The following CFAP61 variants were observed in gnomAD, a reference collection of about 807,000 sequenced individuals.
The protein encoded by CFAP61 is cilia and flagella associated protein 61, also known as cilia- and flagella-associated protein 61.
In CFAP61, 107 loss-of-function variants were observed where a neutral mutation model predicts 135.6. That is an observed-to-expected ratio of 0.79 (90% CI 0.67 to 0.93). The LOEUF (loss-of-function observed/expected upper bound fraction) is 0.93, where lower values mean the gene tolerates loss of function less well. Ranked by LOEUF, CFAP61 falls within the 40% of genes least tolerant of loss-of-function variation. The pLI, the probability that CFAP61 is intolerant of heterozygous loss-of-function variation, is 0.00. For missense variants in CFAP61, 1,507 were observed against 1,556.2 expected, an observed-to-expected ratio of 0.97 and a Z score of 0.53; for synonymous variants, 575 against 578.5, an observed-to-expected ratio of 0.99 and a Z score of 0.09.
chr20:20,172,699 C>T (rs560528828), intron 13 of CFAP61, among the ~76,000 whole-genome samples: 14 of 152,238 alleles, frequency 9.2e-5, no homozygotes, highest in Admixed American at 2.0e-4. Context: ...CAAGCCCCTT[C>T]TCCACCACCA....
chr20:20,339,394 C>T (rs2058353696), intron 25 of CFAP61, among the ~76,000 whole-genome samples: 1 of 152,124 alleles, frequency 6.6e-6, no homozygotes, highest in Admixed American at 6.5e-5. Context: ...CCTCTCCTTC[C>T]TATGGATACA....
intron 25 of CFAP61, among the ~76,000 whole-genome samples, chr20:20,338,258 A>T: frequency 6.6e-6 from 1 of 151,978 alleles, no homozygotes; most frequent in Middle Eastern, 3.4e-3. Context: ...GAAAAGACAC[A>T]TACAAGCAAG....
At chr20:20,135,049 C>T (rs1296650386) in intron 8 of CFAP61, among the ~76,000 whole-genome samples, 1 of 151,638 alleles carries the variant, frequency 6.6e-6, no homozygotes, top group African/African-American at 2.4e-5. Context: ...TCTAAGGTGC[C>T]CTAAATGCTA....
chr20:20,054,237 A>G (rs567034264), intron 1 of CFAP61, among the ~76,000 whole-genome samples: 1 of 151,392 alleles, frequency 6.6e-6, no homozygotes, highest in South Asian at 2.1e-4. Flanking sequence ...TCTTTATTTT[A>G]TCTTCATTTT....
In CFAP61 at chr20:20,241,289, CAA is replaced by C. The variant is rs1310119776; in HGVS notation, c.2061-4827_2061-4826del. On this transcript the variant is annotated intron_variant, in intron 18 of 26. Transcript: ENST00000245957. ...TGAGGAAGGGGGATAGTAAGGATAA[CAA>C]GAGGGGTTACAGTAGAGAACTTGAA... Among the ~76,000 whole-genome samples, 13 of 152,110 alleles carry C rather than the reference CAA, an allele frequency of 8.5e-5. No individual in the cohort carries two copies. In the South Asian group the frequency reaches 1.2e-3, roughly 15 times the overall value.
At chr20:20,088,193 G>A (rs1160996345) in intron 6 of CFAP61, among the ~76,000 whole-genome samples, 1 of 152,188 alleles carries the variant, frequency 6.6e-6, no homozygotes. Flanking sequence ...GATGACATCA[G>A]GGCCAGGTTG....
chr20:20,098,887 T>A, intron 8 of CFAP61, 73 bp downstream of exon 8: 2 of 1,336,258 alleles, frequency 1.5e-6, no homozygotes, highest in East Asian at 2.4e-5. Flanking sequence ...CTTCGCTAAG[T>A]GATGGAACTA....
intron 17 of CFAP61, among the ~76,000 whole-genome samples, chr20:20,211,375 A>G (rs2047626028): frequency 6.6e-6 from 1 of 152,228 alleles, no homozygotes; most frequent in Non-Finnish European, 1.5e-5. Context: ...GGGTTGAGCC[A>G]CTTTAAGTAT....
At chr20:20,286,959 A>G (rs1347158211) in intron 22 of CFAP61, among the ~76,000 whole-genome samples, 3 of 152,236 alleles carry the variant, frequency 2.0e-5, no homozygotes, top group Non-Finnish European at 4.4e-5. Flanking sequence ...GGAGACTTCT[A>G]AACATTTTCA....
At chr20:20,203,716 TGAGG>T (rs1044782867) in intron 17 of CFAP61, among the ~76,000 whole-genome samples, 8 of 152,194 alleles carry the variant, frequency 5.3e-5, no homozygotes, top group Non-Finnish European at 1.2e-4. Flanking sequence ...ACACTTATTT[TGAGG>T]GTGGGTCTAC....
rs144347773 is a variant in CFAP61, at chr20:20,225,124, AT to A, written c.1933-3124del. ...GAAAATATTCTGCTTTCATTAAAAA[AT>A]AACCTGTGCTTCCTGCTTCTGTGCA... is the stretch of plus-strand genomic sequence containing the variant. On this transcript the variant is annotated intron_variant, in intron 17 of 26. Transcript: ENST00000245957. 8.6e-3 allele frequency among the ~76,000 whole-genome samples: 1,308 copies of A among 152,346 alleles called. 20 individuals are homozygous for A. Among genetic ancestry groups the A allele is most frequent in the African/African-American group, 0.03 (1,253 of 41,572 alleles).
intron 26 of CFAP61, among the ~76,000 whole-genome samples, chr20:20,345,061 C>T (rs2058581664): frequency 6.6e-6 from 1 of 152,062 alleles, no homozygotes; most frequent in Non-Finnish European, 1.5e-5. Context: ...TAAAATTTAA[C>T]TCTTGGAGAT....
intron 25 of CFAP61, among the ~76,000 whole-genome samples, chr20:20,321,106 T>C (rs1000395953): frequency 5.9e-5 from 9 of 152,262 alleles, no homozygotes; most frequent in African/African-American, 1.9e-4. Context: ...TAAAATAATG[T>C]AATCACAGAA....
intron 8 of CFAP61, among the ~76,000 whole-genome samples, chr20:20,135,447 C>T (rs1457337521): frequency 6.6e-6 from 1 of 152,166 alleles, no homozygotes; most frequent in Non-Finnish European, 1.5e-5. Context: ...TAAGGACTTA[C>T]TCACTCTTCA....
At chr20:20,216,237 G>T (rs570804297) in intron 17 of CFAP61, among the ~76,000 whole-genome samples, 39 of 152,172 alleles carry the variant, frequency 2.6e-4, no homozygotes, top group Non-Finnish European at 4.7e-4. Context: ...TCATTAACAC[G>T]AACACTGGGA....
intron 10 of CFAP61, among the ~76,000 whole-genome samples, chr20:20,160,121 G>C (rs1031183025): frequency 6.6e-6 from 1 of 152,248 alleles, no homozygotes; most frequent in African/African-American, 2.4e-5. Flanking sequence ...TTCCTAAGAA[G>C]CAGAGGAGGG....
intron 21 of CFAP61, among the ~76,000 whole-genome samples, chr20:20,271,562 G>A (rs375344364): frequency 5.8e-4 from 89 of 152,314 alleles, no homozygotes; most frequent in African/African-American, 2.0e-3. Context: ...TTGCTTGCCA[G>A]CTTTAATTTT....
intron 16 of CFAP61, among the ~76,000 whole-genome samples, chr20:20,198,447 C>T (rs1259627939): frequency 6.6e-6 from 1 of 152,182 alleles, no homozygotes; most frequent in East Asian, 1.9e-4. Context: ...ATATGTTCCA[C>T]ACTGTTGTAT....
At chr20:20,277,650 G>A (rs2053876124) in intron 22 of CFAP61, among the ~76,000 whole-genome samples, 192 bp downstream of exon 22, 1 of 152,170 alleles carries the variant, frequency 6.6e-6, no homozygotes, top group Non-Finnish European at 1.5e-5. Context: ...AACAACAACC[G>A]TTTATTATTC....
Sources: allele counts gnomAD v4.1 joint callset (sites outside exome capture counted in the v4.1 genomes callset), GRCh38; gene constraint gnomAD v4.1.1; transcripts MANE v1.5; gene names NCBI Gene and HGNC (gene_info 2026-07-23, HGNC 2026-07-21).